Variants in GPM6A observed in about 807,000 individuals in gnomAD.
GPM6A encodes the protein neuronal membrane glycoprotein M6-a.
In GPM6A, 7 loss-of-function variants were observed where a neutral mutation model predicts 32.1. That is an observed-to-expected ratio of 0.22 (90% confidence interval 0.12 to 0.41). The LOEUF (loss-of-function observed/expected upper bound fraction) is 0.41, where lower values mean the gene tolerates loss of function less well. Ranked by LOEUF, GPM6A falls within the 10% of genes least tolerant of loss-of-function variation. The pLI is 1.00. For synonymous variants in GPM6A, 130 were observed against 123.4 expected (o/e 1.05, Z -0.35); for missense variants, 235 against 347.2 (o/e 0.68, Z 2.57).
intron 1 of GPM6A, among the ~76,000 whole-genome samples, chr4:175,972,225 TA>T (rs1362534047): frequency 6.6e-6 from 1 of 152,138 alleles, no homozygotes; most frequent in African/African-American, 2.4e-5. Context: ...AAGATTTTTT[TA>T]AAAAAATTTG....
intron 1 of GPM6A, among the ~76,000 whole-genome samples, chr4:175,997,095 T>C (rs1741332505): frequency 6.6e-6 from 1 of 152,110 alleles, no homozygotes; most frequent in Non-Finnish European, 1.5e-5. Context: ...ATATGTGAGC[T>C]CTCTTGGACG....
intron 1 of GPM6A, chr4:175,807,465 C>T (rs2111320436): frequency 6.6e-6 from 1 of 152,136 alleles, no homozygotes; most frequent in East Asian, 1.9e-4. Flanking sequence ...GAGATTCACC[C>T]AGAGTAGCTG....
chr4:175,666,914 A>G (rs1742784112), intron 3 of GPM6A, among the ~76,000 whole-genome samples: 1 of 152,186 alleles, frequency 6.6e-6, no homozygotes, highest in Non-Finnish European at 1.5e-5. Context: ...AAAAACCTAA[A>G]CCTGCAGATG....
intron 1 of GPM6A, among the ~76,000 whole-genome samples, chr4:175,738,589 G>C (rs564624019): frequency 6.6e-6 from 1 of 151,798 alleles, no homozygotes; most frequent in South Asian, 2.1e-4. Flanking sequence ...GGGCAGAATG[G>C]GGTCAAAATG....
At chr4:175,709,301 C>G (rs1243845339) in intron 1 of GPM6A, among the ~76,000 whole-genome samples, 1 of 147,422 alleles carries the variant, frequency 6.8e-6, no homozygotes, top group Non-Finnish European at 1.5e-5. Context: ...CTCTCTCTGT[C>G]TCTCTCTCTC....
intron 1 of GPM6A, among the ~76,000 whole-genome samples, chr4:175,837,687 C>A (rs1176652116): frequency 2.0e-5 from 3 of 152,152 alleles, no homozygotes; most frequent in African/African-American, 7.2e-5. Context: ...GAGACAGGGA[C>A]AACGGCAAGA....
At chr4:175,863,922 G>A (rs1452161207) in intron 1 of GPM6A, among the ~76,000 whole-genome samples, 1 of 151,956 alleles carries the variant, frequency 6.6e-6, no homozygotes, top group Non-Finnish European at 1.5e-5. Context: ...GATCCCTTGA[G>A]TCCAGGAATT....
chr4:175,905,742 A>G (rs892497667), intron 1 of GPM6A, among the ~76,000 whole-genome samples: 7 of 152,138 alleles, frequency 4.6e-5, no homozygotes, highest in Admixed American at 2.6e-4. Flanking sequence ...ATATTAAGGA[A>G]TCATCTAAAA....
rs150040048 is a variant in GPM6A at position 175,949,716 on chromosome 4, G to A, written c.-23+52593C>T. ...TTGGCTGATACTTTCAGAGTCCTCA[G>A]AAGTTTGATTTTAAACTCATGAAAA... On this transcript the variant is annotated intron_variant, in intron 1 of 7. Coordinates refer to the GPM6A transcript ENST00000280187. 3.2e-4 allele frequency among the ~76,000 whole-genome samples: 48 copies of A among 152,284 alleles called. No individual in the cohort carries two copies. The East Asian group carries it at 8.1e-3, about 26-fold the overall frequency.
intron 1 of GPM6A, among the ~76,000 whole-genome samples, chr4:175,853,463 T>G (rs1736321753): frequency 6.6e-6 from 1 of 151,254 alleles, no homozygotes; most frequent in Non-Finnish European, 1.5e-5. Flanking sequence ...TAAATAATAG[T>G]GCAACACAAA....
chr4:175,899,701 G>A (rs1307807026), intron 1 of GPM6A, among the ~76,000 whole-genome samples: 6 of 151,784 alleles, frequency 4.0e-5, no homozygotes, highest in Non-Finnish European at 7.4e-5. Context: ...CCTATCTCTC[G>A]CCATATACAA....
chr4:175,707,245 G>A (rs77131758), intron 1 of GPM6A, among the ~76,000 whole-genome samples: 6,826 of 152,182 alleles, frequency 0.045, 195 homozygotes, highest in Non-Finnish European at 0.065. Context: ...ACTTCTTCTT[G>A]CTCAAGTTCC....
chr4:175,665,122 T>A (rs1742670002), intron 3 of GPM6A, among the ~76,000 whole-genome samples: 1 of 152,320 alleles, frequency 6.6e-6, no homozygotes, highest in South Asian at 2.1e-4. Flanking sequence ...AGGGGGTGCA[T>A]CACTGTAATT....
chr4:175,931,901 A>G (rs941828041), intron 1 of GPM6A, among the ~76,000 whole-genome samples: 3 of 151,996 alleles, frequency 2.0e-5, no homozygotes, highest in African/African-American at 4.8e-5. Flanking sequence ...TCTGGGCAAC[A>G]TAACAAGACC....
At chr4:175,882,065 GATTA>G (rs1274039458) in intron 1 of GPM6A, among the ~76,000 whole-genome samples, 31 of 151,942 alleles carry the variant, frequency 2.0e-4, no homozygotes, top group South Asian at 1.2e-3. Context: ...TAATTGTTTA[GATTA>G]ATTATTTGTT....
At chr4:175,945,865 GTACAACTCAGTAATACGGGTGCATA>G (rs1739586026) in intron 1 of GPM6A, among the ~76,000 whole-genome samples, 5 of 144,866 alleles carry the variant, frequency 3.5e-5, no homozygotes, top group African/African-American at 1.3e-4. Flanking sequence ...TGCATATTAC[GTACAACTCAGTAATACGGGTGCATA>G]TTACGTACAA....
At chr4:175,739,632 A>AT (rs1731800470) in intron 1 of GPM6A, among the ~76,000 whole-genome samples, 1 of 152,128 alleles carries the variant, frequency 6.6e-6, no homozygotes, top group Non-Finnish European at 1.5e-5. Context: ...TTTTAATTCC[A>AT]TTCATGAGTC....
At chr4:175,777,906 T>G (rs1441119863) in intron 1 of GPM6A, among the ~76,000 whole-genome samples, 1 of 152,234 alleles carries the variant, frequency 6.6e-6, no homozygotes, top group African/African-American at 2.4e-5. Context: ...AACATTTACA[T>G]ATCAAACCAT....
At chr4:175,647,557 T>G (rs545095287) in intron 4 of GPM6A, among the ~76,000 whole-genome samples, 1 of 152,168 alleles carries the variant, frequency 6.6e-6, no homozygotes, top group East Asian at 1.9e-4. Flanking sequence ...TGCATGGGAA[T>G]GAACAGTAAG....
Sources: allele counts gnomAD v4.1 joint callset (sites outside exome capture counted in the v4.1 genomes callset), GRCh38; gene constraint gnomAD v4.1.1; transcripts MANE v1.5; gene names NCBI Gene and HGNC (gene_info 2026-07-23, HGNC 2026-07-21).